OPRM1: variants seen among roughly 807,000 people sequenced by gnomAD.
OPRM1 encodes the protein mu-type opioid receptor.
A neutral mutation model predicts 31.8 loss-of-function variants in OPRM1; 27 were observed. The observed-to-expected ratio is 0.85, with a 90% CI of 0.63 to 1.17. The LOEUF (loss-of-function observed/expected upper bound fraction) is 1.17, where lower values mean the gene tolerates loss of function less well. Among genes scored for constraint, OPRM1 ranks in the 50% most tolerant of loss-of-function variants. OPRM1 has a pLI of 0.00. For synonymous variants in OPRM1, 196 were observed against 189.9 expected (o/e 1.03, Z -0.26); for missense variants, 536 against 511.1 (o/e 1.05, Z -0.47).
intron 3 of OPRM1, among the ~76,000 whole-genome samples, chr6:154,234,777 T>A (rs938855432): frequency 6.6e-6 from 1 of 152,228 alleles, no homozygotes; most frequent in African/African-American, 2.4e-5. Context: ...TAAGTGAAAT[T>A]AAGTTACTAG....
At chr6:154,213,945 G>C in intron 3 of OPRM1, among the ~76,000 whole-genome samples, 1 of 152,198 alleles carries the variant, frequency 6.6e-6, no homozygotes, top group East Asian at 1.9e-4. Flanking sequence ...TTAAACATTT[G>C]CATCGGTGAC....
chr6:154,214,300 T>C lies in OPRM1; in HGVS notation c.1165-32393T>C, dbSNP rs752334694. ...ACCTAAAATTCAAATAGAAAGCAAA[T>C]GTTGACCAAAGAGATTAGCCCCCCA... On this transcript the variant is annotated intron_variant, in intron 3 of 3. Transcript: ENST00000337049. 1.7e-5 allele frequency: 27 copies of C among 1,569,692 alleles called. No individual in the cohort carries two copies. In the South Asian group the frequency reaches 2.8e-4, roughly 16 times the overall value.
At chr6:154,039,170 C>T (rs1779514991), upstream of OPRM1, 1 of 1,551,536 alleles carries the variant, frequency 6.4e-7, no homozygotes, top group Non-Finnish European at 8.7e-7. Flanking sequence ...GATGTGTTTG[C>T]ACAGAAGAGT....
In OPRM1 at chr6:154,129,271, A is replaced by G. The variant is rs1237450101; in HGVS notation, c.*10550A>G. 6.6e-6 allele frequency among the ~76,000 whole-genome samples: 1 copy of G among 152,254 alleles called. No homozygotes were observed. Among genetic ancestry groups the G allele is most frequent in the East Asian group, 1.9e-4 (1 of 5,200 alleles). ...ACAGAACAGGACAGGGAGTTCTTCTATACAATAGAGAACAGAACAATGTTC... is the reference window on the plus strand; with the variant it reads ...ACAGAACAGGACAGGGAGTTCTTCTGTACAATAGAGAACAGAACAATGTTC... On this transcript the variant is annotated 3_prime_UTR_variant, in exon 4 of 4. Coordinates refer to ENST00000330432, the MANE Select transcript of OPRM1 (RefSeq NM_000914.5).
intron 3 of OPRM1, among the ~76,000 whole-genome samples, chr6:154,137,551 CA>C (rs759864912): frequency 4.0e-5 from 6 of 151,864 alleles, no homozygotes; most frequent in Non-Finnish European, 8.8e-5. Flanking sequence ...TACTCTATAC[CA>C]GGGGCCACCT....
At chr6:154,150,827 G>A (rs182726447) in intron 3 of OPRM1, among the ~76,000 whole-genome samples, 37 of 149,626 alleles carry the variant, frequency 2.5e-4, no homozygotes, top group East Asian at 9.7e-4. Context: ...TTCTGCCTTC[G>A]GACCACAGAA....
chr6:154,035,802 T>C (rs1018719770), upstream of OPRM1, among the ~76,000 whole-genome samples: 1 of 152,144 alleles, frequency 6.6e-6, no homozygotes, highest in Non-Finnish European at 1.5e-5. Context: ...AAATGTTGCA[T>C]GATATGGGTT....
intron 3 of OPRM1, among the ~76,000 whole-genome samples, chr6:154,115,719 G>C (rs1796797506): frequency 6.6e-6 from 1 of 152,238 alleles, no homozygotes; most frequent in Admixed American, 6.5e-5. Context: ...GAGGTTCTGA[G>C]GGGGTGATCT....
chr6:154,136,683 A>G (rs1798069207), downstream of OPRM1, among the ~76,000 whole-genome samples: 1 of 152,160 alleles, frequency 6.6e-6, no homozygotes, highest in South Asian at 2.1e-4. Flanking sequence ...CAGGTACAAC[A>G]AAAATATACA....
intron 3 of OPRM1, among the ~76,000 whole-genome samples, chr6:154,148,847 T>G (rs995074123): frequency 2.0e-5 from 3 of 152,226 alleles, no homozygotes; most frequent in Non-Finnish European, 4.4e-5. Flanking sequence ...GGCTTGAACA[T>G]TTAGAAACCA....
chr6:154,088,297 G>A (rs927655595), intron 1 of OPRM1, among the ~76,000 whole-genome samples: 28 of 152,180 alleles, frequency 1.8e-4, no homozygotes, highest in Admixed American at 1.3e-3. Flanking sequence ...ACCAAGATCA[G>A]CAATTGCCTG....
intron 1 of OPRM1, among the ~76,000 whole-genome samples, chr6:154,014,455 A>C (rs1322413442): frequency 6.6e-6 from 1 of 152,138 alleles, no homozygotes; most frequent in Admixed American, 6.6e-5. Flanking sequence ...AGCCATAGAC[A>C]ATGAGAGGAA....
chr6:154,216,039 T>TA (rs1178802889), intron 3 of OPRM1, among the ~76,000 whole-genome samples: 1 of 152,158 alleles, frequency 6.6e-6, no homozygotes, highest in African/African-American at 2.4e-5. Flanking sequence ...TGAAAACTGA[T>TA]ACAGCCAATT....
rs1478259383 is a variant in OPRM1, at chr6:154,091,261, TTTCTTGGCAC to T, written c.958_967del (p.Trp320AlafsTer4). On this transcript the variant is annotated frameshift_variant, in exon 3 of 4. Coordinates refer to ENST00000330432, the MANE Select transcript of OPRM1 (RefSeq NM_000914.5). LOFTEE classifies it high-confidence loss of function. Reference sequence around the variant, plus strand: ...ATCCCAGAAACTACGTTCCAGACTGTTTCTTGGCACTTCTGCATTGCTCTAGGTTACACAA... The same window carrying T: ...ATCCCAGAAACTACGTTCCAGACTGTTTCTGCATTGCTCTAGGTTACACAA... 3.7e-6 allele frequency: 6 copies of T among 1,614,214 alleles called. No homozygotes were observed. The highest frequency in any genetic ancestry group is 5.1e-6 in the Non-Finnish European group (6 of 1,180,028).
chr6:154,176,046 A>T (rs60354256), intron 3 of OPRM1, among the ~76,000 whole-genome samples: 10 of 152,354 alleles, frequency 6.6e-5, no homozygotes, highest in African/African-American at 1.9e-4. Flanking sequence ...ATAATCTATC[A>T]CATAAACAGA....
chr6:154,193,119 G>C (rs752490308), intron 3 of OPRM1, among the ~76,000 whole-genome samples: 3 of 152,160 alleles, frequency 2.0e-5, no homozygotes, highest in Non-Finnish European at 2.9e-5. Context: ...AACCAGCCCA[G>C]ATGCCCATCA....
At chr6:154,034,370 G>C (rs1779175157), upstream of OPRM1, among the ~76,000 whole-genome samples, 1 of 152,000 alleles carries the variant, frequency 6.6e-6, no homozygotes, top group African/African-American at 2.4e-5. Flanking sequence ...CGGTGAAACC[G>C]CGTCTCTACT....
intron 3 of OPRM1, among the ~76,000 whole-genome samples, chr6:154,218,018 G>A (rs1778550770): frequency 6.6e-6 from 1 of 152,174 alleles, no homozygotes; most frequent in Admixed American, 6.5e-5. Flanking sequence ...AACTGGTGAT[G>A]TTTAGAATCT....
At chr6:154,053,149 A>G (rs1177708689) in intron 1 of OPRM1, among the ~76,000 whole-genome samples, 1 of 152,228 alleles carries the variant, frequency 6.6e-6, no homozygotes, top group Non-Finnish European at 1.5e-5. Flanking sequence ...TGAAGAATTT[A>G]TCTTTATTGG....
Sources: allele counts gnomAD v4.1 joint callset (sites outside exome capture counted in the v4.1 genomes callset), GRCh38; gene constraint gnomAD v4.1.1; transcripts MANE v1.5; gene names NCBI Gene and HGNC (gene_info 2026-07-23, HGNC 2026-07-21).